PSIP1: variants seen among roughly 807,000 people sequenced by gnomAD.
The protein encoded by PSIP1 is PC4 and SRSF1 interacting protein 1.
Under a neutral mutation model 74.7 loss-of-function variants are expected in PSIP1, and 19 were observed. The observed-to-expected ratio is 0.25, with a 90% confidence interval of 0.18 to 0.37. The LOEUF (loss-of-function observed/expected upper bound fraction) is 0.37, where lower values mean the gene tolerates loss of function less well. Ranked by LOEUF, PSIP1 falls within the 10% of genes least tolerant of loss-of-function variation. The probability of loss-of-function intolerance (pLI) is 1.00; values close to 1 mark genes in which losing one functional copy is unlikely to be tolerated. For missense variants in PSIP1, 601 were observed against 614.3 expected, an observed-to-expected ratio of 0.98 and a Z score of 0.23; for synonymous variants, 222 against 195.3, an observed-to-expected ratio of 1.14 and a Z score of -1.14.
intron 6 of PSIP1, among the ~76,000 whole-genome samples, chr9:15,483,545 CTTATT>C (rs2036428676): frequency 6.6e-6 from 1 of 152,100 alleles, no homozygotes; most frequent in African/African-American, 2.4e-5. Flanking sequence ...TTTAAACCCT[CTTATT>C]TTAAATATTT....
chr9:15,490,596 T>C (rs1379237504), intron 3 of PSIP1, among the ~76,000 whole-genome samples: 2 of 145,460 alleles, frequency 1.4e-5, no homozygotes, highest in African/African-American at 5.2e-5. Context: ...GGCAGGAGAA[T>C]CGCTTGAACC....
chr9:15,474,379 T>C, intron 8 of PSIP1, 142 bp from the exon 9 acceptor site: 2 of 661,506 alleles, frequency 3.0e-6, no homozygotes, highest in South Asian at 5.9e-5. Flanking sequence ...ATAAAAGGAA[T>C]TCTGTCACAG....
chr9:15,496,550 G>T (rs1348912414), intron 3 of PSIP1, among the ~76,000 whole-genome samples: 1 of 152,066 alleles, frequency 6.6e-6, no homozygotes, highest in Admixed American at 6.6e-5. Context: ...CATTTTACGT[G>T]TACCTTTTCA....
rs1236129216 is a variant in PSIP1, at chr9:15,468,596, A to C, written c.1420+34T>G. ...AGCAGTCCTGGCAAATGGTTTAAAA[A>C]CTGGTGTGAAATTGTTGGCTTTTTA... is the stretch of plus-strand genomic sequence containing the variant. On this transcript the variant is annotated intron_variant, in intron 14 of 15. Transcript: ENST00000380733. 4 of 1,592,608 alleles carry C rather than the reference A, an allele frequency of 2.5e-6. No homozygotes were observed. The Admixed American group carries it at 6.7e-5, about 27-fold the overall frequency.
chr9:15,510,211 T>C lies in PSIP1; in HGVS notation c.-23A>G. ...CATGTTTCGGGGGCGAGACCGGGGG[T>C]CCGAAGCCCGGGAGGCGGCGAGGAG... On this transcript the variant is annotated 5_prime_UTR_variant, in exon 2 of 16. Transcript: ENST00000380733. 1 of 1,594,776 alleles carries C rather than the reference T, an allele frequency of 6.3e-7. No individual in the cohort carries two copies. The highest frequency in any genetic ancestry group is 8.5e-7 in the Non-Finnish European group (1 of 1,171,592).
chr9:15,466,507 A>G (rs2035636756), intron 15 of PSIP1, among the ~76,000 whole-genome samples: 1 of 152,246 alleles, frequency 6.6e-6, no homozygotes, highest in Non-Finnish European at 1.5e-5. Context: ...TCCAGGAGCA[A>G]ATATTTTCTT....
intron 3 of PSIP1, among the ~76,000 whole-genome samples, chr9:15,496,781 G>A (rs998304475): frequency 6.6e-6 from 1 of 152,108 alleles, no homozygotes; most frequent in Non-Finnish European, 1.5e-5. Context: ...TTCATGTTAA[G>A]TACAGAAGAT....
At chr9:15,506,745 C>CCTG in intron 2 of PSIP1, 108 bp from the exon 3 acceptor site, 1 of 819,086 alleles carries the variant, frequency 1.2e-6, no homozygotes, top group Non-Finnish European at 1.8e-6. Context: ...ATAAAATGGG[C>CCTG]CAGTTCTGCA....
chr9:15,473,190 C>G (rs2035917536), intron 9 of PSIP1, among the ~76,000 whole-genome samples: 1 of 152,162 alleles, frequency 6.6e-6, no homozygotes, highest in African/African-American at 2.4e-5. Context: ...TTTTATTTTT[C>G]TACACAAAAG....
intron 15 of PSIP1, among the ~76,000 whole-genome samples, chr9:15,466,463 C>G (rs191724039): frequency 1.3e-5 from 2 of 152,350 alleles, no homozygotes; most frequent in Non-Finnish European, 2.9e-5. Context: ...AGTGTGAATG[C>G]AAGTCATTAC....
chr9:15,486,191 T>C (rs1037074429), intron 5 of PSIP1, 123 bp from the exon 6 acceptor site: 10 of 728,502 alleles, frequency 1.4e-5, no homozygotes, highest in South Asian at 2.2e-5. Context: ...TTTTGCTCTG[T>C]AGAGTTCTGA....
At chr9:15,504,474 A>T (rs1391600382) in intron 3 of PSIP1, among the ~76,000 whole-genome samples, 1 of 152,178 alleles carries the variant, frequency 6.6e-6, no homozygotes, top group African/African-American at 2.4e-5. Flanking sequence ...GAAGTATAAA[A>T]TCGGTTCCAT....
intron 14 of PSIP1, among the ~76,000 whole-genome samples, chr9:15,467,727 G>T (rs896418099): frequency 6.6e-6 from 1 of 152,200 alleles, no homozygotes; most frequent in African/African-American, 2.4e-5. Context: ...ACTACTGTTA[G>T]TAATAAGTAC....
chr9:15,493,673 G>A (rs757706863), intron 3 of PSIP1, among the ~76,000 whole-genome samples: 17 of 152,138 alleles, frequency 1.1e-4, no homozygotes, highest in East Asian at 1.9e-4. Context: ...TTACAATCAC[G>A]GCAGAAGGTA....
intron 10 of PSIP1, chr9:15,471,184 C>T: frequency 1.2e-6 from 2 of 1,606,830 alleles, no homozygotes; most frequent in Non-Finnish European, 1.7e-6. Context: ...ATGCTTTGAG[C>T]CCAAAATGAG....
chr9:15,478,405 C>T (rs750951203), intron 8 of PSIP1, 72 bp downstream of exon 8: 13 of 1,095,328 alleles, frequency 1.2e-5, no homozygotes, highest in South Asian at 1.1e-4. Flanking sequence ...CTGATAAAAT[C>T]GCAGAGATAT....
chr9:15,467,118 T>TA (rs2132033556), intron 14 of PSIP1, among the ~76,000 whole-genome samples: 1 of 152,306 alleles, frequency 6.6e-6, no homozygotes, highest in East Asian at 1.9e-4. Flanking sequence ...GTTAACTATC[T>TA]ATGAGTACAG....
At chr9:15,504,618 T>C (rs1458891005) in intron 3 of PSIP1, among the ~76,000 whole-genome samples, 1 of 151,682 alleles carries the variant, frequency 6.6e-6, no homozygotes, top group Non-Finnish European at 1.5e-5. Context: ...GCACCTGTAG[T>C]CCCAGCTACT....
At position 15,465,452 on chromosome 9, in the gene PSIP1, A is replaced by G; in HGVS notation, c.*68T>C. 1 of 1,339,446 alleles carries G rather than the reference A, an allele frequency of 7.5e-7. No homozygotes were observed. Among genetic ancestry groups the G allele is most frequent in the Non-Finnish European group, 1.0e-6 (1 of 960,976 alleles). 83.0% of individuals were successfully genotyped at this position (1,339,446 alleles called of 1,614,324 possible). A position where few individuals can be genotyped will look rare whatever the true frequency, so the allele number is the denominator to read the frequency against. ...ATGCTTATAAAAATTTAAAACTTTCAGCAGTCTATTTCAAATGAAAACCAT... is the reference window on the plus strand; with the variant it reads ...ATGCTTATAAAAATTTAAAACTTTCGGCAGTCTATTTCAAATGAAAACCAT... On this transcript the variant is annotated 3_prime_UTR_variant, in exon 16 of 16. Transcript: ENST00000380733.
Sources: gnomAD v4.1 joint callset for allele counts (sites outside exome capture counted in the v4.1 genomes callset) on GRCh38, gnomAD v4.1.1 for gene constraint, MANE v1.5 for transcripts, NCBI Gene and HGNC (gene_info 2026-07-23, HGNC 2026-07-21) for gene names.